The following NOMO1 variants were observed in gnomAD, a reference collection of about 807,000 sequenced individuals.
NOMO1 encodes NODAL modulator 1.
NOMO1 carries 40 observed loss-of-function variants against 133.8 expected under a neutral mutation model. That is an observed-to-expected ratio of 0.30 (90% CI 0.23 to 0.39). NOMO1 has a LOEUF of 0.39. Among genes scored for constraint, NOMO1 ranks in the 10% least tolerant of loss-of-function variants. The pLI is 1.00. For missense variants in NOMO1, 462 were observed against 1,419.9 expected (o/e 0.33, Z 10.84); for synonymous variants, 236 against 570.5 (o/e 0.41, Z 8.36).
intron 9 of NOMO1, among the ~76,000 whole-genome samples, chr16:14,856,377 C>A (rs1169307416): frequency 6.6e-6 from 1 of 151,882 alleles, no homozygotes; most frequent in African/African-American, 2.4e-5. Flanking sequence ...AGCATGGGAC[C>A]ACGTGTGAGC....
At chr16:14,860,758 C>G (rs2151897723) in intron 11 of NOMO1, among the ~76,000 whole-genome samples, 1 of 152,134 alleles carries the variant, frequency 6.6e-6, no homozygotes, top group Non-Finnish European at 1.5e-5. Flanking sequence ...AGAAAAATAG[C>G]ATTTGTTGAA....
intron 18 of NOMO1, among the ~76,000 whole-genome samples, chr16:14,874,394 G>GCCAAGGATGC (rs1302099139): frequency 2.0e-5 from 3 of 151,986 alleles, no homozygotes; most frequent in Non-Finnish European, 4.4e-5. Flanking sequence ...CAAGGACTTT[G>GCCAAGGATGC]CACTTGGCAT....
At chr16:14,867,053 C>G (rs1005064795) in intron 15 of NOMO1, among the ~76,000 whole-genome samples, 1 of 138,258 alleles carries the variant, frequency 7.2e-6, no homozygotes, top group African/African-American at 2.8e-5. Context: ...ATCTTAATAC[C>G]TACTTCTCAG....
In NOMO1 at chr16:14,833,736, G is replaced by A. The variant is rs1388928215; in HGVS notation, c.-116G>A. The A allele has an allele frequency of 9.1e-7, 1 of 1,101,586 alleles. No homozygotes were observed. 68.2% of individuals were successfully genotyped at this position (1,101,586 alleles called of 1,614,324 possible). A position where few individuals can be genotyped will look rare whatever the true frequency, so the allele number is the denominator to read the frequency against. On this transcript the variant is annotated 5_prime_UTR_variant, in exon 1 of 31. Coordinates refer to ENST00000287667, the MANE Select transcript of NOMO1 (RefSeq NM_014287.4). ...CGTGCGCGGCGGCTCTGGCGGCGGC[G>A]GTGGGGCGGGGCCTGGGCTGTCAGC... is the stretch of plus-strand genomic sequence containing the variant.
At chr16:14,858,545 G>A (rs942244232) in intron 11 of NOMO1, among the ~76,000 whole-genome samples, 55 of 151,752 alleles carry the variant, frequency 3.6e-4, no homozygotes, top group South Asian at 1.5e-3. Flanking sequence ...GGAGAAGCGC[G>A]GCATGAGCAA....
chr16:14,878,367 G>A (rs1371863987), intron 22 of NOMO1, among the ~76,000 whole-genome samples: 1 of 125,390 alleles, frequency 8.0e-6, no homozygotes, highest in Non-Finnish European at 1.7e-5. Flanking sequence ...GGTGGTGTGC[G>A]CCTATAGTCC....
chr16:14,839,217 G>C (rs1171790668), intron 2 of NOMO1, among the ~76,000 whole-genome samples: 1 of 151,830 alleles, frequency 6.6e-6, no homozygotes. Flanking sequence ...ACTACACCCA[G>C]CTAATGTTTT....
intron 29 of NOMO1, among the ~76,000 whole-genome samples, chr16:14,891,344 A>C (rs1387059727): frequency 1.1e-4 from 17 of 150,282 alleles, no homozygotes; most frequent in East Asian, 2.0e-4. Flanking sequence ...TATACTAGGA[A>C]TATTAACCCT....
chr16:14,859,168 C>T (rs2606816), intron 11 of NOMO1, among the ~76,000 whole-genome samples: 8 of 151,888 alleles, frequency 5.3e-5, no homozygotes, highest in South Asian at 2.1e-4. Flanking sequence ...CATGAGGTCA[C>T]AGGAGCTAAG....
At chr16:14,883,335 T>C (rs941673670) in intron 26 of NOMO1, among the ~76,000 whole-genome samples, 3 of 151,446 alleles carry the variant, frequency 2.0e-5, no homozygotes, top group Non-Finnish European at 4.4e-5. Context: ...TTTCTTTTCT[T>C]TTTCTTTTTT....
intron 5 of NOMO1, among the ~76,000 whole-genome samples, chr16:14,847,795 A>T (rs796773777): frequency 5.0e-4 from 75 of 151,504 alleles, no homozygotes; most frequent in Admixed American, 5.2e-4. Context: ...TCAGTAAGTT[A>T]TTCAATTTTA....
intron 29 of NOMO1, among the ~76,000 whole-genome samples, chr16:14,894,318 C>G (rs988016848): frequency 1.7e-4 from 26 of 152,142 alleles, no homozygotes; most frequent in Non-Finnish European, 3.8e-4. Context: ...GGAGGGCACA[C>G]CACTTCCCTA....
chr16:14,878,273 T>C (rs1320484835), intron 22 of NOMO1, among the ~76,000 whole-genome samples: 1 of 131,340 alleles, frequency 7.6e-6, no homozygotes, highest in Non-Finnish European at 1.6e-5. Flanking sequence ...GCATGTGGAT[T>C]GCTTGAGCCC....
chr16:14,867,149 GATATATATATATATATAT>G (rs1171568936), intron 15 of NOMO1, among the ~76,000 whole-genome samples: 1 of 17,272 alleles, frequency 5.8e-5, no homozygotes, highest in African/African-American at 1.4e-4. Context: ...GAGTTTCTCT[GATATATATATATATATAT>G]ATATATATAT....
At chr16:14,858,614 A>G (rs2561965) in intron 11 of NOMO1, among the ~76,000 whole-genome samples, 19 of 152,052 alleles carry the variant, frequency 1.2e-4, no homozygotes, top group Admixed American at 4.6e-4. Context: ...GGTGCTACTG[A>G]AGCAGAATAT....
intron 28 of NOMO1, 142 bp from the exon 29 acceptor site, chr16:14,888,953 CA>C: frequency 8.0e-7 from 1 of 1,254,536 alleles, no homozygotes; most frequent in African/African-American, 1.5e-5. Context: ...TTGAAGGCAG[CA>C]ACCTTGGTTT....
At chr16:14,860,539 G>A (rs1208771116) in intron 11 of NOMO1, among the ~76,000 whole-genome samples, 4 of 151,806 alleles carry the variant, frequency 2.6e-5, no homozygotes, top group Admixed American at 6.6e-5. Context: ...AGGAGATATG[G>A]TAGTGGCCGG....
chr16:14,875,750 A>C (rs1964150989), intron 20 of NOMO1, among the ~76,000 whole-genome samples: 1 of 151,898 alleles, frequency 6.6e-6, no homozygotes. Flanking sequence ...GGTCGACACC[A>C]GAAGGTAGAT....
intron 24 of NOMO1, among the ~76,000 whole-genome samples, 170 bp from the exon 25 acceptor site, chr16:14,881,374 G>A (rs535228076): frequency 8.5e-5 from 13 of 152,148 alleles, no homozygotes; most frequent in Non-Finnish European, 1.6e-4. Context: ...TATCCCTCCG[G>A]CAGGAAGGTG....
Sources: gnomAD v4.1 joint callset for allele counts (sites outside exome capture counted in the v4.1 genomes callset) on GRCh38, gnomAD v4.1.1 for gene constraint, MANE v1.5 for transcripts, NCBI Gene and HGNC (gene_info 2026-07-23, HGNC 2026-07-21) for gene names.